PRDM16: variants seen among roughly 807,000 people sequenced by gnomAD.
PRDM16 encodes histone-lysine N-methyltransferase PRDM16.
A neutral mutation model predicts 110.6 loss-of-function variants in PRDM16; 23 were observed. The ratio of observed to expected loss-of-function variants is 0.21; its 90% confidence interval spans 0.15 to 0.29. The LOEUF is 0.29. PRDM16 is among the 10% of genes least tolerant of loss of function. PRDM16 has a pLI of 1.00. For synonymous variants in PRDM16, 799 were observed against 781.8 expected (o/e 1.02, Z -0.37); for missense variants, 1,615 against 1,794.3 (o/e 0.90, Z 1.81).
chr1:3,291,123 C>G (rs577532797), intron 3 of PRDM16, among the ~76,000 whole-genome samples: 2 of 152,126 alleles, frequency 1.3e-5, no homozygotes, highest in East Asian at 3.9e-4. Context: ...TGATGTGATA[C>G]TTAGGTCATG....
rs769885024 is a variant in PRDM16, at chr1:3,412,505, G to A, written c.2308G>A (p.Glu770Lys). ...DALKVGGPSAECPFDLTTKPK... is the reference protein window; with the variant it reads ...DALKVGGPSAKCPFDLTTKPK... ...CCTCAAGGTGGGCGGCCCCAGTGCC[G>A]AGTGCCCCTTTGATCTCACCACCAA... Residue 770 changes from glutamate to lysine, a missense_variant, in exon 9 of 17, where the codon GAG becomes AAG. Transcript: ENST00000270722. The A allele has an allele frequency of 8.7e-6, 14 of 1,613,102 alleles. No homozygotes were observed. Among genetic ancestry groups the A allele is most frequent in the East Asian group, 6.7e-5 (3 of 44,856 alleles).
chr1:3,404,698 C>T (rs1336307898), intron 6 of PRDM16, 41 bp from the exon 7 acceptor site: 2 of 1,608,746 alleles, frequency 1.2e-6, no homozygotes, highest in Admixed American at 1.7e-5. Context: ...GGGCAGAGGG[C>T]AGGTAGTCGG....
chr1:3,413,288 G>T (rs927663782), intron 9 of PRDM16, among the ~76,000 whole-genome samples: 3 of 152,142 alleles, frequency 2.0e-5, no homozygotes, highest in African/African-American at 7.2e-5. Flanking sequence ...GCGGCAGGGG[G>T]AATGGGGAGG....
At chr1:3,345,913 G>A (rs1195005111) in intron 3 of PRDM16, among the ~76,000 whole-genome samples, 1 of 152,080 alleles carries the variant, frequency 6.6e-6, no homozygotes, top group Non-Finnish European at 1.5e-5. Flanking sequence ...CCCCCACCCT[G>A]GGCTCCTGGG....
chr1:3,188,650 A>T (rs1490076262), intron 2 of PRDM16, among the ~76,000 whole-genome samples: 1 of 152,108 alleles, frequency 6.6e-6, no homozygotes, highest in Non-Finnish European at 1.5e-5. Flanking sequence ...ACCCGGCAGG[A>T]TCTCGCCTGA....
chr1:3,115,294 G>A (rs1232336872), intron 1 of PRDM16, among the ~76,000 whole-genome samples: 5 of 152,248 alleles, frequency 3.3e-5, no homozygotes. Context: ...AGTGGGGGCA[G>A]AGGGGCTGTG....
At chr1:3,418,269 G>A (rs1638326325) in intron 11 of PRDM16, among the ~76,000 whole-genome samples, 1 of 152,208 alleles carries the variant, frequency 6.6e-6, no homozygotes, top group Non-Finnish European at 1.5e-5. Context: ...GAGGTGTGCT[G>A]GTCAGTGACT....
chr1:3,119,162 C>G (rs1477659735), intron 1 of PRDM16, among the ~76,000 whole-genome samples: 2 of 152,214 alleles, frequency 1.3e-5, no homozygotes, highest in African/African-American at 4.8e-5. Context: ...GCTATCGACC[C>G]AGGGCTGGAC....
Position 3,385,137 on chromosome 1 carries a change from C to G in PRDM16, c.439-15C>G, listed in dbSNP as rs774273076. ...CAGGGCACCTCTGACTCCCGCTTCG[C>G]TTTCCTCCCAGCAGATCTCCGAAGA... On this transcript the variant is annotated splice_polypyrimidine_tract_variant and intron_variant, in intron 3 of 16. Coordinates refer to ENST00000270722, the MANE Select transcript of PRDM16 (RefSeq NM_022114.4). 1.4e-5 allele frequency: 22 copies of G among 1,613,236 alleles called. No homozygotes were observed. The highest frequency in any genetic ancestry group is 1.8e-5 in the Non-Finnish European group (21 of 1,179,976).
intron 1 of PRDM16, among the ~76,000 whole-genome samples, chr1:3,077,808 C>T (rs1035776047): frequency 2.6e-5 from 4 of 152,310 alleles, no homozygotes; most frequent in African/African-American, 4.8e-5. Context: ...AGGCAGGGCC[C>T]GGGCCACATC....
chr1:3,233,379 T>C (rs1639462495), intron 2 of PRDM16, among the ~76,000 whole-genome samples: 1 of 152,024 alleles, frequency 6.6e-6, no homozygotes, highest in Non-Finnish European at 1.5e-5. Context: ...CAGAGTTTGG[T>C]GTTGGTTTAA....
intron 2 of PRDM16, among the ~76,000 whole-genome samples, chr1:3,204,216 A>G (rs1638697074): frequency 6.6e-6 from 1 of 152,218 alleles, no homozygotes; most frequent in South Asian, 2.1e-4. Context: ...TTGGCCGCTC[A>G]CAGATACCCG....
chr1:3,408,278 G>A (rs924315643), intron 8 of PRDM16, among the ~76,000 whole-genome samples: 9 of 152,216 alleles, frequency 5.9e-5, no homozygotes, highest in Non-Finnish European at 1.3e-4. Flanking sequence ...GTCATTCCTG[G>A]TGGTGTCTTT....
At chr1:3,235,927 G>A (rs980657967) in intron 2 of PRDM16, among the ~76,000 whole-genome samples, 2 of 152,160 alleles carry the variant, frequency 1.3e-5, no homozygotes, top group African/African-American at 4.8e-5. Flanking sequence ...TGGTGGAGGA[G>A]CTGCGTCTTT....
At chr1:3,256,276 C>T (rs527719608) in intron 3 of PRDM16, among the ~76,000 whole-genome samples, 6 of 152,208 alleles carry the variant, frequency 3.9e-5, no homozygotes, top group East Asian at 1.9e-4. Context: ...GGCTGGGGGT[C>T]GGAATGAGTG....
rs372799321 is a variant in PRDM16 at position 3,409,787 on chromosome 1, GGT to G, written c.1187-1593_1187-1592del. On this transcript the variant is annotated intron_variant, in intron 8 of 16. Transcript: ENST00000270722. ...TGTGTGTGGTTGTGTGTGGGTGTGT[GGT>G]GTGGGTGTGTGTGGTGTATGTGTGC... Among the ~76,000 whole-genome samples, 292 of 135,886 alleles carry G rather than the reference GGT, an allele frequency of 2.1e-3. 6 individuals carry two copies. The South Asian group carries it at 0.055, about 26-fold the overall frequency. The allele number at this position is 135,886 out of a possible 152,430, so 89.1% of individuals were successfully genotyped here.
At chr1:3,281,953 T>C (rs1640719227) in intron 3 of PRDM16, among the ~76,000 whole-genome samples, 1 of 152,074 alleles carries the variant, frequency 6.6e-6, no homozygotes, top group Non-Finnish European at 1.5e-5. Context: ...CAGCCCTGGA[T>C]GTGGAGGGGT....
intron 9 of PRDM16, among the ~76,000 whole-genome samples, chr1:3,414,198 A>G (rs2493289): frequency 0.6 from 90,738 of 152,138 alleles, 30,022 homozygotes; most frequent in African/African-American, 0.9. Context: ...CTTCAGAGAA[A>G]ACTCCAGCCG....
rs754343098 is a variant in PRDM16, at chr1:3,405,549, G to A, written c.1087G>A (p.Ala363Thr). 4.4e-6 allele frequency: 7 copies of A among 1,607,632 alleles called. No homozygotes were observed. The highest frequency in any genetic ancestry group is 2.2e-5 in the East Asian group (1 of 44,546). ...QRHIRSQHVG[A>T]RAHACPDCGK... ...GCACATCCGCTCGCAGCACGTGGGC[G>A]CTCGGGCCCACGCCTGCCCCGACTG... Residue 363 changes from alanine (A) to threonine (T), a missense_variant, in exon 8 of 17, where the codon GCT becomes ACT. Ala to Thr is a moderately conservative substitution (Grantham distance 58). Coordinates refer to ENST00000270722, the MANE Select transcript of PRDM16 (RefSeq NM_022114.4).
Sources: gnomAD v4.1 joint callset for allele counts (sites outside exome capture counted in the v4.1 genomes callset) on GRCh38, gnomAD v4.1.1 for gene constraint, MANE v1.5 for transcripts, NCBI Gene and HGNC (gene_info 2026-07-23, HGNC 2026-07-21) for gene names.